Variants in FSTL5 observed in about 807,000 individuals in gnomAD.
FSTL5 encodes the protein follistatin-related protein 5.
FSTL5 carries 62 observed loss-of-function variants against 89.1 expected under a neutral mutation model. That is an observed-to-expected ratio of 0.70 (90% confidence interval 0.57 to 0.86). The LOEUF is 0.86. Ranked by LOEUF, FSTL5 falls within the 40% of genes least tolerant of loss-of-function variation. FSTL5 has a pLI of 0.00. For synonymous variants in FSTL5, 383 were observed against 346.2 expected (o/e 1.11, Z -1.18); for missense variants, 1,057 against 1,001.6 (o/e 1.06, Z -0.75).
At chr4:161,386,730 T>C in intron 15 of FSTL5, 1 of 354,376 alleles carries the variant, frequency 2.8e-6, no homozygotes, top group East Asian at 6.0e-5. Context: ...ATTTTGCTTT[T>C]AACATAGTGG....
At chr4:161,818,994 A>T (rs1478941435) in intron 4 of FSTL5, among the ~76,000 whole-genome samples, 5 of 152,164 alleles carry the variant, frequency 3.3e-5, no homozygotes, top group Non-Finnish European at 1.5e-5. Flanking sequence ...ATAAATGCTT[A>T]ATTTCTGATA....
chr4:161,676,743 A>AGACG (rs1737318604), intron 6 of FSTL5, among the ~76,000 whole-genome samples: 1 of 146,768 alleles, frequency 6.8e-6, no homozygotes, highest in South Asian at 2.5e-4. Context: ...GAAAATACAT[A>AGACG]CACGCACACA....
chr4:161,549,554 T>C (rs184669414), intron 8 of FSTL5, among the ~76,000 whole-genome samples: 3 of 151,996 alleles, frequency 2.0e-5, no homozygotes, highest in Admixed American at 2.0e-4. Flanking sequence ...ATTTACAATT[T>C]AGCATTTGCT....
intron 8 of FSTL5, among the ~76,000 whole-genome samples, chr4:161,566,526 C>T (rs1732822577): frequency 1.3e-5 from 2 of 150,758 alleles, no homozygotes; most frequent in East Asian, 1.9e-4. Context: ...TTTGAGAAAT[C>T]GCCAAACTGT....
chr4:161,615,096 C>A (rs536853632), intron 7 of FSTL5, among the ~76,000 whole-genome samples: 43 of 151,982 alleles, frequency 2.8e-4, no homozygotes, highest in Admixed American at 1.2e-3. Context: ...ACATCCAGAC[C>A]ATCCTGGCTA....
intron 7 of FSTL5, among the ~76,000 whole-genome samples, chr4:161,611,835 C>T (rs911682696): frequency 6.6e-6 from 1 of 152,098 alleles, no homozygotes; most frequent in Admixed American, 6.5e-5. Flanking sequence ...AAAGCAAAGA[C>T]CTGGGGAAGG....
intron 6 of FSTL5, among the ~76,000 whole-genome samples, chr4:161,692,824 A>G (rs1579025734): frequency 6.6e-6 from 1 of 152,178 alleles, no homozygotes; most frequent in East Asian, 1.9e-4. Flanking sequence ...CCCTAGTTCA[A>G]GTGATTCTCC....
At chr4:162,109,297 T>A (rs1731344684) in intron 2 of FSTL5, among the ~76,000 whole-genome samples, 1 of 152,020 alleles carries the variant, frequency 6.6e-6, no homozygotes, top group African/African-American at 2.4e-5. Context: ...AGATGGGGTT[T>A]TTACAGGGAC....
At chr4:162,133,015 T>A (rs79620405) in intron 1 of FSTL5, among the ~76,000 whole-genome samples, 35,325 of 151,930 alleles carry the variant, frequency 0.23, 4,252 homozygotes, top group Non-Finnish European at 0.25. Context: ...CAATCTCGGC[T>A]CACTGCAAGC....
intron 1 of FSTL5, among the ~76,000 whole-genome samples, chr4:162,129,115 T>C (rs1431768940): frequency 2.6e-5 from 4 of 152,136 alleles, no homozygotes; most frequent in South Asian, 2.1e-4. Context: ...GTATATTTAG[T>C]AGAGACAGGG....
chr4:161,525,557 A>G (rs541408224), intron 10 of FSTL5, among the ~76,000 whole-genome samples: 114 of 152,292 alleles, frequency 7.5e-4, no homozygotes, highest in Middle Eastern at 3.4e-3. Context: ...TTGGTTCAAT[A>G]CAAATACTCA....
chr4:161,441,065 C>T (rs1355574396), intron 15 of FSTL5, among the ~76,000 whole-genome samples: 2 of 151,996 alleles, frequency 1.3e-5, no homozygotes, highest in Admixed American at 6.6e-5. Flanking sequence ...TATTTAGAAA[C>T]CTTCCATATC....
At chr4:162,108,766 ATTAT>A (rs1272770142) in intron 2 of FSTL5, among the ~76,000 whole-genome samples, 6 of 151,466 alleles carry the variant, frequency 4.0e-5, no homozygotes, top group Admixed American at 1.3e-4. Flanking sequence ...ACTTATTTTA[ATTAT>A]TAACTAGATA....
At chr4:161,702,974 G>T (rs1294537455) in intron 6 of FSTL5, among the ~76,000 whole-genome samples, 1 of 152,014 alleles carries the variant, frequency 6.6e-6, no homozygotes, top group Admixed American at 6.6e-5. Context: ...TGAGACATTG[G>T]GGTGGGCTCT....
intron 3 of FSTL5, among the ~76,000 whole-genome samples, chr4:162,005,038 T>G (rs1736577681): frequency 1.3e-5 from 2 of 152,172 alleles, no homozygotes; most frequent in South Asian, 2.1e-4. Context: ...GCCTGCCAGA[T>G]GCTGTGTCTG....
At chr4:161,764,238 T>C (rs886831347) in intron 5 of FSTL5, among the ~76,000 whole-genome samples, 2 of 152,192 alleles carry the variant, frequency 1.3e-5, no homozygotes, top group Admixed American at 1.3e-4. Flanking sequence ...TAACAAATGC[T>C]ATCCTACAAG....
At chr4:162,010,951 A>C (rs575192566) in intron 3 of FSTL5, among the ~76,000 whole-genome samples, 1 of 152,194 alleles carries the variant, frequency 6.6e-6, no homozygotes, top group African/African-American at 2.4e-5. Context: ...TTATATATAT[A>C]TCTAAAAGTT....
intron 4 of FSTL5, among the ~76,000 whole-genome samples, chr4:161,804,777 C>A (rs1729906709): frequency 6.6e-6 from 1 of 151,994 alleles, no homozygotes; most frequent in Non-Finnish European, 1.5e-5. Flanking sequence ...TACGAAGGGA[C>A]TCTTAAGACC....
At chr4:161,411,070 A>T (rs1731572822) in intron 15 of FSTL5, among the ~76,000 whole-genome samples, 1 of 152,174 alleles carries the variant, frequency 6.6e-6, no homozygotes, top group Non-Finnish European at 1.5e-5. Flanking sequence ...GAACAACTCT[A>T]TGCACAGAAA....
Sources: gnomAD v4.1 joint callset for allele counts (sites outside exome capture counted in the v4.1 genomes callset) on GRCh38, gnomAD v4.1.1 for gene constraint, MANE v1.5 for transcripts, NCBI Gene and HGNC (gene_info 2026-07-23, HGNC 2026-07-21) for gene names.